Variants in GUCY2C observed in about 807,000 individuals in gnomAD.
GUCY2C encodes guanylate cyclase 2C, also known as guanylyl cyclase C.
GUCY2C carries 118 observed loss-of-function variants against 131.1 expected under a neutral mutation model. That is an observed-to-expected ratio of 0.90 (90% CI 0.78 to 1.05). The LOEUF is 1.05. Among genes scored for constraint, GUCY2C ranks in the 50% least tolerant of loss-of-function variants. GUCY2C has a pLI of 0.00. For missense variants in GUCY2C, 1,161 were observed against 1,304.4 expected, an observed-to-expected ratio of 0.89 and a Z score of 1.69; for synonymous variants, 452 against 457.8, an observed-to-expected ratio of 0.99 and a Z score of 0.16.
intron 18 of GUCY2C, among the ~76,000 whole-genome samples, chr12:14,640,442 G>A (rs1359563713): frequency 2.4e-4 from 34 of 138,948 alleles, no homozygotes; most frequent in Non-Finnish European, 7.7e-5. Flanking sequence ...GCCTGGGGGT[G>A]ACAGAGCAAG....
intron 7 of GUCY2C, among the ~76,000 whole-genome samples, chr12:14,675,207 C>CAAAAA (rs35870014): frequency 3.5e-4 from 12 of 34,754 alleles, no homozygotes; most frequent in East Asian, 9.0e-4. Flanking sequence ...AACTCCATCT[C>CAAAAA]AAAAAAAAAA....
intron 19 of GUCY2C, among the ~76,000 whole-genome samples, chr12:14,634,242 G>C (rs879653710): frequency 5.3e-5 from 8 of 152,162 alleles, no homozygotes; most frequent in Admixed American, 3.3e-4. Context: ...TCAAAGTGCT[G>C]AAAGAAAAAC....
intron 11 of GUCY2C, among the ~76,000 whole-genome samples, chr12:14,659,579 C>A (rs1308581007): frequency 6.6e-6 from 1 of 152,134 alleles, no homozygotes; most frequent in African/African-American, 2.4e-5. Context: ...TCTGAGTATT[C>A]TTCAAGTAAA....
intron 15 of GUCY2C, among the ~76,000 whole-genome samples, chr12:14,646,939 TG>T: frequency 6.6e-6 from 1 of 152,106 alleles, no homozygotes; most frequent in East Asian, 1.9e-4. Flanking sequence ...GAAGAAAAAT[TG>T]CCTACAATCT....
intron 17 of GUCY2C, among the ~76,000 whole-genome samples, chr12:14,642,053 C>G (rs1378529650): frequency 6.6e-6 from 1 of 152,070 alleles, no homozygotes; most frequent in Non-Finnish European, 1.5e-5. Context: ...AAGATAAAGA[C>G]AGTACATTAA....
chr12:14,663,563 G>A (rs778069394), intron 10 of GUCY2C, among the ~76,000 whole-genome samples: 3 of 152,212 alleles, frequency 2.0e-5, no homozygotes, highest in Non-Finnish European at 2.9e-5. Flanking sequence ...GATTACAGGC[G>A]TGAGCCACTG....
At chr12:14,682,654 G>T (rs997440056) in intron 4 of GUCY2C, among the ~76,000 whole-genome samples, 4 of 152,062 alleles carry the variant, frequency 2.6e-5, no homozygotes, top group Non-Finnish European at 4.4e-5. Context: ...GTAGGTATAG[G>T]CAAGATACAT....
intron 2 of GUCY2C, 70 bp from the exon 3 acceptor site, chr12:14,686,295 C>G (rs966481621): frequency 1.8e-6 from 2 of 1,114,618 alleles, no homozygotes; most frequent in Non-Finnish European, 2.7e-6. Context: ...AAAGAAGTAG[C>G]AAGGGGAAGG....
Position 14,643,695 on chromosome 12 carries a change from A to T in GUCY2C, c.1809T>A (p.Tyr603Ter). ...VLYDIAKGMS[Y>*]LHSSKTEVHG... ...GGACTTCTGTCTTACTGGAGTGCAGATATGACATTCCCTGTAATTTTTTAG... is the reference window on the plus strand; with the variant it reads ...GGACTTCTGTCTTACTGGAGTGCAGTTATGACATTCCCTGTAATTTTTTAG... Residue 603 changes from tyrosine (Y) to a stop codon, truncating the protein, a stop_gained, in exon 17 of 27, where the codon TAT (tyrosine) becomes TAA (stop). Coordinates refer to ENST00000261170, the MANE Select transcript of GUCY2C (RefSeq NM_004963.4). LOFTEE classifies it high-confidence loss of function. 1 of 1,612,650 alleles carries T rather than the reference A, an allele frequency of 6.2e-7. No homozygotes were observed. The highest frequency in any genetic ancestry group is 1.3e-5 in the African/African-American group (1 of 75,018).
At chr12:14,672,840 A>T (rs1948143031) in intron 9 of GUCY2C, 33 bp downstream of exon 9, 14 of 1,234,154 alleles carry the variant, frequency 1.1e-5, no homozygotes, top group Non-Finnish European at 1.6e-5. Context: ...CAGTCACAGC[A>T]CCCTGAATTT....
At chr12:14,680,044 A>G (rs1948318690) in intron 5 of GUCY2C, among the ~76,000 whole-genome samples, 1 of 152,176 alleles carries the variant, frequency 6.6e-6, no homozygotes, top group Non-Finnish European at 1.5e-5. Context: ...CTAGTAGATG[A>G]CAAAGACAGC....
chr12:14,679,892 C>T (rs1592141404), intron 5 of GUCY2C, 139 bp from the exon 6 acceptor site: 1 of 444,870 alleles, frequency 2.2e-6, no homozygotes, highest in Middle Eastern at 3.3e-4. Flanking sequence ...TAAATTCCTC[C>T]TTCCTTTTTT....
chr12:14,690,675 G>C (rs896045985), intron 1 of GUCY2C, among the ~76,000 whole-genome samples: 7 of 152,104 alleles, frequency 4.6e-5, no homozygotes, highest in African/African-American at 1.7e-4. Flanking sequence ...CTGAGTAGCT[G>C]GGACTACAGG....
At chr12:14,677,639 C>T (rs568754269) in intron 6 of GUCY2C, among the ~76,000 whole-genome samples, 18 of 152,092 alleles carry the variant, frequency 1.2e-4, no homozygotes, top group African/African-American at 3.4e-4. Flanking sequence ...GGCATGATCT[C>T]GGCTCACTGC....
At chr12:14,628,241 C>T (rs369695519) in intron 20 of GUCY2C, among the ~76,000 whole-genome samples, 11 of 152,030 alleles carry the variant, frequency 7.2e-5, no homozygotes, top group African/African-American at 2.7e-4. Flanking sequence ...TACCTAGGGC[C>T]AAAGCTGGAG....
intron 21 of GUCY2C, among the ~76,000 whole-genome samples, chr12:14,625,070 C>G (rs1946979364): frequency 6.6e-6 from 1 of 152,174 alleles, no homozygotes; most frequent in Non-Finnish European, 1.5e-5. Context: ...TTCTGCCCTT[C>G]TATCACAAGG....
Position 14,613,127 on chromosome 12 carries a change from G to A in GUCY2C, c.3212C>T (p.Thr1071Ile). ...LQLNTTDKES[T>I]YF The stretch of plus-strand genomic sequence containing the variant: ...ATACCTCATTTAGGTTTAAAAATAG[G>A]TGCTCTCCTTGTCTGTGGTATTCAG... The change falls in exon 27 of 27, where the codon ACC (threonine) becomes ATC (isoleucine). Residue 1071 changes from threonine to isoleucine, a missense_variant. Transcript: ENST00000261170. This position sits in a 1 kb window ranked among gnomAD's most constrained non-coding sequence, Gnocchi z 4.9. 1.2e-6 allele frequency: 2 copies of A among 1,612,850 alleles called. No individual in the cohort carries two copies. Among genetic ancestry groups the A allele is most frequent in the Non-Finnish European group, 1.7e-6 (2 of 1,179,074 alleles).
intron 14 of GUCY2C, 21 bp downstream of exon 14, chr12:14,651,938 T>G: frequency 7.4e-7 from 1 of 1,357,646 alleles, no homozygotes; most frequent in South Asian, 1.2e-5. Context: ...TTCTCAAGGG[T>G]TTGAAGTAAG....
intron 19 of GUCY2C, among the ~76,000 whole-genome samples, chr12:14,636,694 T>C (rs1308677999): frequency 1.3e-5 from 2 of 152,104 alleles, no homozygotes; most frequent in Admixed American, 1.3e-4. Context: ...GGGAGTCAAA[T>C]TGTCCCTCTT....
Sources: gnomAD v4.1 joint callset for allele counts (sites outside exome capture counted in the v4.1 genomes callset) on GRCh38, gnomAD v4.1.1 for gene constraint, Gnocchi (gnomAD v3.1) non-coding constraint, MANE v1.5 for transcripts, NCBI Gene and HGNC (gene_info 2026-07-23, HGNC 2026-07-21) for gene names.